WDR72: variants seen among roughly 807,000 people sequenced by gnomAD.
The protein encoded by WDR72 is WD repeat domain 72, also known as WD repeat-containing protein 72.
In WDR72, 120 loss-of-function variants were observed where a neutral mutation model predicts 124.2. The observed-to-expected ratio is 0.97, with a 90% CI of 0.83 to 1.12. WDR72 has a LOEUF of 1.12. Ranked by LOEUF, WDR72 falls within the 50% of genes most tolerant of loss-of-function variation. The pLI is 0.00. For missense variants in WDR72, 1,387 were observed against 1,278.8 expected (o/e 1.08, Z -1.29); for synonymous variants, 452 against 441.7 (o/e 1.02, Z -0.29).
intron 14 of WDR72, among the ~76,000 whole-genome samples, chr15:53,617,556 G>T (rs937652369): frequency 1.3e-5 from 2 of 151,536 alleles, no homozygotes; most frequent in African/African-American, 2.4e-5. Flanking sequence ...GAGCAAATTT[G>T]TCAAATAAGG....
intron 18 of WDR72, among the ~76,000 whole-genome samples, chr15:53,537,501 C>G (rs1892824890): frequency 6.6e-6 from 1 of 152,114 alleles, no homozygotes; most frequent in Admixed American, 6.5e-5. Flanking sequence ...ACAATCCTGG[C>G]TCATCTACAA....
chr15:53,611,340 T>C (rs2013530921), intron 16 of WDR72, among the ~76,000 whole-genome samples: 1 of 152,144 alleles, frequency 6.6e-6, no homozygotes, highest in Admixed American at 6.6e-5. Flanking sequence ...GATTCTATAG[T>C]AACAGTAGCT....
intron 15 of WDR72, among the ~76,000 whole-genome samples, chr15:53,614,472 T>C (rs1305686189): frequency 1.3e-5 from 2 of 152,090 alleles, no homozygotes; most frequent in Non-Finnish European, 2.9e-5. Flanking sequence ...CCTGACACCT[T>C]CATTCTATAA....
intron 13 of WDR72, among the ~76,000 whole-genome samples, chr15:53,685,818 G>A (rs1266838855): frequency 3.5e-5 from 5 of 143,670 alleles, no homozygotes; most frequent in South Asian, 2.3e-4. Flanking sequence ...GAGAAAGGTC[G>A]GGTTACCCTC....
chr15:53,563,928 C>A (rs1327461407), intron 18 of WDR72, among the ~76,000 whole-genome samples: 1 of 151,770 alleles, frequency 6.6e-6, no homozygotes, highest in African/African-American at 2.4e-5. Flanking sequence ...ATGCTGTTCA[C>A]AATAAGAAAT....
chr15:53,609,408 G>C, intron 17 of WDR72, 105 bp downstream of exon 17: 1 of 983,822 alleles, frequency 1.0e-6, no homozygotes, highest in South Asian at 1.3e-5. Flanking sequence ...GCCATTTTAT[G>C]AGGACAAGAG....
intron 18 of WDR72, among the ~76,000 whole-genome samples, chr15:53,589,228 T>C (rs933197731): frequency 6.6e-6 from 1 of 151,860 alleles, no homozygotes; most frequent in Admixed American, 6.6e-5. Flanking sequence ...TCCTGTGAGC[T>C]TGCTGTGTGT....
intron 13 of WDR72, among the ~76,000 whole-genome samples, chr15:53,666,300 A>C (rs888444613): frequency 6.6e-6 from 1 of 152,120 alleles, no homozygotes; most frequent in Admixed American, 6.5e-5. Context: ...TATTGTTGTG[A>C]TTATATCCTT....
intron 18 of WDR72, among the ~76,000 whole-genome samples, chr15:53,551,002 A>C (rs142691140): frequency 2.0e-5 from 3 of 152,336 alleles, no homozygotes; most frequent in East Asian, 1.9e-4. Context: ...GAGTGAACCT[A>C]ATGAAGCTTG....
chr15:53,733,474 G>C (rs1475242396), intron 1 of WDR72, among the ~76,000 whole-genome samples: 1 of 152,094 alleles, frequency 6.6e-6, no homozygotes, highest in African/African-American at 2.4e-5. Flanking sequence ...TTGCTGCAAA[G>C]TCCTGCTGGG....
At chr15:53,586,897 C>T (rs917200391) in intron 18 of WDR72, among the ~76,000 whole-genome samples, 2 of 151,866 alleles carry the variant, frequency 1.3e-5, no homozygotes, top group Non-Finnish European at 2.9e-5. Flanking sequence ...GTTTCATCTC[C>T]TTCTGAACTT....
intron 14 of WDR72, among the ~76,000 whole-genome samples, chr15:53,641,044 G>A (rs1357886070): frequency 6.6e-6 from 1 of 150,966 alleles, no homozygotes; most frequent in Non-Finnish European, 1.5e-5. Context: ...TAGATCTTTT[G>A]TAACATGATT....
intron 1 of WDR72, among the ~76,000 whole-genome samples, chr15:53,758,471 A>C (rs1000461366): frequency 2.0e-5 from 3 of 152,148 alleles, no homozygotes; most frequent in African/African-American, 2.4e-5. Context: ...CATTCTTTAC[A>C]GAAGACTCTA....
chr15:53,650,896 T>TTTTG (rs2015213909), intron 14 of WDR72, among the ~76,000 whole-genome samples: 1 of 146,590 alleles, frequency 6.8e-6, no homozygotes, highest in Admixed American at 6.8e-5. Context: ...TAATTCAGTT[T>TTTTG]TTTTTTTTTT....
At chr15:53,601,040 CT>C (rs2013022312) in intron 17 of WDR72, among the ~76,000 whole-genome samples, 1 of 152,062 alleles carries the variant, frequency 6.6e-6, no homozygotes, top group South Asian at 2.1e-4. Context: ...TAATTTTGCT[CT>C]GTTTTACAAA....
chr15:53,534,981 C>T lies in WDR72; in HGVS notation c.3149-11659G>A, dbSNP rs539841590. ...TATACATTTTTATTCTATGTTCAGC[C>T]ATCTCACTGATATTTCATTCCACAG... On this transcript the variant is annotated intron_variant, in intron 18 of 19. Coordinates refer to ENST00000360509, the MANE Select transcript of WDR72 (RefSeq NM_182758.4). Among the ~76,000 whole-genome samples the T allele has an allele frequency of 2.6e-5, 4 of 152,066 alleles. No individual in the cohort carries two copies. The South Asian group carries it at 8.3e-4, about 32-fold the overall frequency.
At chr15:53,589,575 T>C (rs2012393612) in intron 18 of WDR72, among the ~76,000 whole-genome samples, 1 of 149,920 alleles carries the variant, frequency 6.7e-6, no homozygotes, top group African/African-American at 2.4e-5. Flanking sequence ...TCGGAAACAA[T>C]AGTGCAAAAC....
intron 14 of WDR72, among the ~76,000 whole-genome samples, chr15:53,639,247 G>C (rs927187534): frequency 1.3e-5 from 2 of 151,844 alleles, no homozygotes; most frequent in African/African-American, 4.8e-5. Context: ...TATGTGCTGG[G>C]TGATGTGCTA....
chr15:53,708,422 A>C (rs1295355610), intron 9 of WDR72, among the ~76,000 whole-genome samples: 2 of 152,196 alleles, frequency 1.3e-5, no homozygotes, highest in Non-Finnish European at 2.9e-5. Flanking sequence ...TGAGTAGATA[A>C]AGATAAGGTG....
Sources: allele counts gnomAD v4.1 joint callset (sites outside exome capture counted in the v4.1 genomes callset), GRCh38; gene constraint gnomAD v4.1.1; transcripts MANE v1.5; gene names NCBI Gene and HGNC (gene_info 2026-07-23, HGNC 2026-07-21).